The following ACACA variants were observed in gnomAD, a reference collection of about 807,000 sequenced individuals.
ACACA encodes the protein acetyl-CoA carboxylase 1.
A neutral mutation model predicts 296.1 loss-of-function variants in ACACA; 103 were observed. That is an observed-to-expected ratio of 0.35 (90% CI 0.30 to 0.41). ACACA has a LOEUF of 0.41. ACACA is among the 10% of genes least tolerant of loss of function. The pLI is 1.00. For synonymous variants in ACACA, 953 were observed against 1,038.6 expected (o/e 0.92, Z 1.58); for missense variants, 1,554 against 2,989.7 (o/e 0.52, Z 11.20).
intron 16 of ACACA, among the ~76,000 whole-genome samples, chr17:37,250,101 T>A (rs2080912052): frequency 6.6e-6 from 1 of 152,236 alleles, no homozygotes; most frequent in African/African-American, 2.4e-5. Flanking sequence ...TTCTTTCCTT[T>A]ATAAATTAGC....
chr17:37,253,395 A>C (rs978072351), intron 14 of ACACA, among the ~76,000 whole-genome samples: 9 of 152,140 alleles, frequency 5.9e-5, no homozygotes, highest in African/African-American at 1.2e-4. Flanking sequence ...CTGTCCCCCC[A>C]AAAAAATAAA....
intron 10 of ACACA, among the ~76,000 whole-genome samples, chr17:37,264,468 T>C (rs568924250): frequency 9.2e-5 from 14 of 152,372 alleles, no homozygotes; most frequent in Admixed American, 5.9e-4. Context: ...ATTTTGAAAG[T>C]AATCTTTATT....
intron 1 of ACACA, among the ~76,000 whole-genome samples, chr17:37,381,829 G>T (rs11651475): frequency 9.3e-5 from 14 of 150,828 alleles, no homozygotes; most frequent in Non-Finnish European, 1.5e-4. Context: ...GGGTTTCACC[G>T]TGTTGGCCAG....
intron 45 of ACACA, among the ~76,000 whole-genome samples, chr17:37,134,028 A>C (rs1251972317): frequency 2.0e-5 from 3 of 152,222 alleles, no homozygotes; most frequent in Non-Finnish European, 4.4e-5. Context: ...CAGCCGGCGG[A>C]CCTAAGAATT....
At chr17:37,257,566 A>T (rs2081279362) in intron 14 of ACACA, 137 bp downstream of exon 14, 2 of 776,364 alleles carry the variant, frequency 2.6e-6, no homozygotes, top group Admixed American at 2.3e-5. Flanking sequence ...GTAATTAAAG[A>T]TATTCAAAAT....
In ACACA at chr17:37,104,572, C is replaced by T. The variant is rs554008079; in HGVS notation, c.6566-6588G>A. Reference sequence around the variant, plus strand: ...CAGTTCAAATTGACTTGAAAGTATCCGCAGCACAGTGGCCTATCAGGTGTT... The same window carrying T: ...CAGTTCAAATTGACTTGAAAGTATCTGCAGCACAGTGGCCTATCAGGTGTT... On this transcript the variant is annotated intron_variant, in intron 52 of 55. Transcript: ENST00000616317. Among the ~76,000 whole-genome samples the T allele has an allele frequency of 7.2e-5, 11 of 152,246 alleles. No individual in the cohort carries two copies. The South Asian group carries it at 1.9e-3, about 26-fold the overall frequency.
At chr17:37,106,636 G>T (rs1414787078) in intron 52 of ACACA, among the ~76,000 whole-genome samples, 1 of 152,116 alleles carries the variant, frequency 6.6e-6, no homozygotes, top group African/African-American at 2.4e-5. Flanking sequence ...ATATAAAAAA[G>T]GTCAGGGAAC....
At chr17:37,093,690 G>T (rs1161246913) in intron 54 of ACACA, among the ~76,000 whole-genome samples, 1 of 152,100 alleles carries the variant, frequency 6.6e-6, no homozygotes, top group Non-Finnish European at 1.5e-5. Context: ...TGAAGACAGG[G>T]TCTTGCTTTG....
At chr17:37,285,115 G>A in intron 3 of ACACA, 145 bp from the exon 4 acceptor site, 24 of 902,698 alleles carry the variant, frequency 2.7e-5, no homozygotes, top group Non-Finnish European at 2.8e-5. Context: ...ATAAAAGAGA[G>A]AAAAGAAAAT....
chr17:37,190,258 GT>G (rs2145072142), intron 38 of ACACA, among the ~76,000 whole-genome samples: 1 of 152,042 alleles, frequency 6.6e-6, no homozygotes, highest in Middle Eastern at 3.4e-3. Flanking sequence ...GTGAAACCCC[GT>G]TTCTACTAAA....
intron 1 of ACACA, among the ~76,000 whole-genome samples, chr17:37,381,783 A>G (rs959426853): frequency 3.9e-4 from 59 of 151,588 alleles, no homozygotes; most frequent in African/African-American, 7.0e-4. Flanking sequence ...ACTCGCCACC[A>G]CACCCAGTTA....
chr17:37,285,977 C>T lies in ACACA; in HGVS notation c.339-1007G>A, dbSNP rs1395180496. Among the ~76,000 whole-genome samples, 3 of 152,234 alleles carry T rather than the reference C, an allele frequency of 2.0e-5. No homozygotes were observed. The East Asian group carries it at 5.8e-4, about 29-fold the overall frequency. On this transcript the variant is annotated intron_variant, in intron 3 of 55. Transcript: ENST00000616317. ...CCAGATCTCAACTCACTACAACCTTCGACTCCCAGGTTCAAGCGATGCTCC... is the reference window on the plus strand; with the variant it reads ...CCAGATCTCAACTCACTACAACCTTTGACTCCCAGGTTCAAGCGATGCTCC...
intron 1 of ACACA, among the ~76,000 whole-genome samples, chr17:37,368,993 G>T (rs865899307): frequency 6.6e-6 from 1 of 152,100 alleles, no homozygotes; most frequent in South Asian, 2.1e-4. Flanking sequence ...TTTCAAAACT[G>T]CCCCAGAAAC....
chr17:37,155,697 A>G lies in ACACA; in HGVS notation c.5433T>C (p.Asp1811=), dbSNP rs374159917. Residue 1811 remains aspartate, a synonymous_variant, in exon 43 of 56, where the codon GAT becomes GAC. Transcript: ENST00000616317. ...TATATACCTACCTGGATTCTCCTTC[A>G]TCTTCCACGTGTTCACAATGGACAG... The part of the protein sequence containing the change: ...LNSVHCEHVE[D]EGESRYKITD... 1.0e-5 allele frequency: 16 copies of G among 1,608,012 alleles called. No homozygotes were observed. Among genetic ancestry groups the G allele is most frequent in the Middle Eastern group, 1.6e-4 (1 of 6,068 alleles).
At chr17:37,323,122 C>A (rs1049948988) in intron 3 of ACACA, among the ~76,000 whole-genome samples, 1 of 152,268 alleles carries the variant, frequency 6.6e-6, no homozygotes, top group Non-Finnish European at 1.5e-5. Context: ...GTCGCAGACA[C>A]CACCCCAAGA....
intron 1 of ACACA, among the ~76,000 whole-genome samples, chr17:37,383,990 G>A (rs970579355): frequency 6.6e-6 from 1 of 152,176 alleles, no homozygotes; most frequent in Non-Finnish European, 1.5e-5. Context: ...TTAGAGCCGG[G>A]CGCGGTGTCT....
At chr17:37,391,581 C>G (rs2147812053) in intron 1 of ACACA, 1 of 1,458,798 alleles carries the variant, frequency 6.9e-7, no homozygotes, top group Non-Finnish European at 9.6e-7. Flanking sequence ...CAGCCCTTTT[C>G]TTGGTACATG....
chr17:37,135,501 T>A (rs1020111754), intron 45 of ACACA, among the ~76,000 whole-genome samples: 2 of 152,032 alleles, frequency 1.3e-5, no homozygotes. Flanking sequence ...AATCTCTCTA[T>A]AAGCAGCAAA....
At chr17:37,187,370 A>G (rs2077577915) in intron 39 of ACACA, among the ~76,000 whole-genome samples, 1 of 152,228 alleles carries the variant, frequency 6.6e-6, no homozygotes, top group Admixed American at 6.5e-5. Flanking sequence ...TCTCCCTGGC[A>G]CCCAAAGCAC....
Sources: gnomAD v4.1 joint callset for allele counts (sites outside exome capture counted in the v4.1 genomes callset) on GRCh38, gnomAD v4.1.1 for gene constraint, MANE v1.5 for transcripts, NCBI Gene and HGNC (gene_info 2026-07-23, HGNC 2026-07-21) for gene names.